The following LDLRAD4 variants were observed in gnomAD, a reference collection of about 807,000 sequenced individuals.
The protein encoded by LDLRAD4 is low-density lipoprotein receptor class A domain-containing protein 4.
Under a neutral mutation model 17.0 loss-of-function variants are expected in LDLRAD4, and 5 were observed. That is an observed-to-expected ratio of 0.29 (90% CI 0.15 to 0.62). LDLRAD4 has a LOEUF of 0.62. LDLRAD4 is among the 20% of genes least tolerant of loss of function. The pLI is 0.84. For synonymous variants in LDLRAD4, 168 were observed against 171.8 expected, an observed-to-expected ratio of 0.98 and a Z score of 0.17; for missense variants, 340 against 424.7, an observed-to-expected ratio of 0.80 and a Z score of 1.75.
chr18:13,306,211 A>T (rs2046903885), intron 1 of LDLRAD4, among the ~76,000 whole-genome samples: 2 of 152,380 alleles, frequency 1.3e-5, no homozygotes, highest in Admixed American at 6.5e-5. Context: ...GCTAACTCTT[A>T]TCATTTTGTG....
chr18:13,466,243 G>A (rs1267033467), intron 3 of LDLRAD4, among the ~76,000 whole-genome samples: 3 of 152,096 alleles, frequency 2.0e-5, no homozygotes, highest in Admixed American at 6.5e-5. Context: ...GGCTGAGGTG[G>A]GCAGATCATT....
chr18:13,361,389 G>C (rs1568049796), intron 1 of LDLRAD4, among the ~76,000 whole-genome samples: 1 of 152,114 alleles, frequency 6.6e-6, no homozygotes, highest in South Asian at 2.1e-4. Context: ...TTTTAGTAAG[G>C]GATGTTGGAT....
intron 3 of LDLRAD4, among the ~76,000 whole-genome samples, chr18:13,505,033 T>C (rs539473751): frequency 6.6e-6 from 1 of 152,260 alleles, no homozygotes; most frequent in African/African-American, 2.4e-5. Context: ...GGGGTTGCCA[T>C]CCATTGTCCC....
intron 3 of LDLRAD4, among the ~76,000 whole-genome samples, chr18:13,555,227 C>T (rs1027839283): frequency 6.6e-6 from 1 of 152,046 alleles, no homozygotes; most frequent in Non-Finnish European, 1.5e-5. Context: ...TAGGTGAAAA[C>T]GCAGAAAATA....
At chr18:13,516,372 C>G (rs2093866765) in intron 3 of LDLRAD4, among the ~76,000 whole-genome samples, 1 of 152,194 alleles carries the variant, frequency 6.6e-6, no homozygotes, top group African/African-American at 2.4e-5. Context: ...ACAGGAAGTT[C>G]TAGCCCTGTG....
At chr18:13,250,468 C>G (rs1308297024) in intron 1 of LDLRAD4, among the ~76,000 whole-genome samples, 1 of 151,736 alleles carries the variant, frequency 6.6e-6, no homozygotes, top group Non-Finnish European at 1.5e-5. Context: ...GAAGAAATAA[C>G]AGTATTAACA....
At chr18:13,409,781 T>G (rs955638007) in intron 2 of LDLRAD4, among the ~76,000 whole-genome samples, 9 of 152,244 alleles carry the variant, frequency 5.9e-5, no homozygotes, top group African/African-American at 1.9e-4. Context: ...ATAATAATGA[T>G]GCTGTAGGTG....
chr18:13,237,215 G>A (rs544970969), intron 1 of LDLRAD4, among the ~76,000 whole-genome samples: 5 of 152,298 alleles, frequency 3.3e-5, no homozygotes, highest in African/African-American at 1.2e-4. Context: ...CTGCCTGCTT[G>A]CAGGGTTACT....
chr18:13,336,187 C>T (rs1212679560), intron 1 of LDLRAD4, among the ~76,000 whole-genome samples: 1 of 152,192 alleles, frequency 6.6e-6, no homozygotes, highest in Non-Finnish European at 1.5e-5. Context: ...TTAATCTATT[C>T]ATGAGATTCC....
intron 2 of LDLRAD4, among the ~76,000 whole-genome samples, chr18:13,406,840 T>C (rs1277571801): frequency 6.6e-6 from 1 of 152,178 alleles, no homozygotes; most frequent in East Asian, 1.9e-4. Context: ...GGGCTGCCTG[T>C]CCCTGAGTAG....
At chr18:13,297,713 T>C (rs1207284584) in intron 1 of LDLRAD4, among the ~76,000 whole-genome samples, 3 of 152,120 alleles carry the variant, frequency 2.0e-5, no homozygotes, top group Admixed American at 6.5e-5. Flanking sequence ...GACAGGAGGA[T>C]CACTTCAGCC....
intron 1 of LDLRAD4, among the ~76,000 whole-genome samples, chr18:13,325,109 A>G (rs1265417102): frequency 2.6e-5 from 4 of 152,152 alleles, no homozygotes; most frequent in Non-Finnish European, 5.9e-5. Context: ...GTTAACTTAC[A>G]TTGTTAGGGT....
chr18:13,560,291 T>C (rs2094526967), intron 3 of LDLRAD4, among the ~76,000 whole-genome samples: 1 of 152,216 alleles, frequency 6.6e-6, no homozygotes. Flanking sequence ...ACAGCCCATG[T>C]CACAAGGAGT....
chr18:13,558,693 A>C (rs1250004098), intron 3 of LDLRAD4, among the ~76,000 whole-genome samples: 1 of 152,180 alleles, frequency 6.6e-6, no homozygotes, highest in Non-Finnish European at 1.5e-5. Context: ...GTTACTGTTT[A>C]CTCAGAAATG....
chr18:13,371,504 C>T (rs954562921), intron 1 of LDLRAD4, among the ~76,000 whole-genome samples: 1 of 152,182 alleles, frequency 6.6e-6, no homozygotes, highest in Admixed American at 6.5e-5. Flanking sequence ...CGCAGTGGCT[C>T]AAACCTGTAA....
rs1304474728 is a variant in LDLRAD4, at chr18:13,373,218, T to G, written c.-382-14123T>G. Among the ~76,000 whole-genome samples the G allele has an allele frequency of 2.0e-5, 3 of 152,166 alleles. No individual in the cohort carries two copies. In the East Asian group the frequency reaches 5.8e-4, roughly 29 times the overall value. On this transcript the variant is annotated intron_variant, in intron 1 of 5. Transcript: ENST00000359446. ...CAGAAATCCCTTGTTTTGATTTCCTTTTCTCATCGCAGCAGTTGTAGCGCT... is the reference window on the plus strand; with the variant it reads ...CAGAAATCCCTTGTTTTGATTTCCTGTTCTCATCGCAGCAGTTGTAGCGCT...
At chr18:13,406,009 C>T (rs976465876) in intron 2 of LDLRAD4, among the ~76,000 whole-genome samples, 1 of 152,232 alleles carries the variant, frequency 6.6e-6, no homozygotes, top group African/African-American at 2.4e-5. Context: ...TCCTGTGCAA[C>T]TTTGAAAACA....
intron 3 of LDLRAD4, among the ~76,000 whole-genome samples, chr18:13,508,237 G>A (rs1238233563): frequency 1.3e-5 from 2 of 152,216 alleles, no homozygotes; most frequent in Admixed American, 1.3e-4. Context: ...GCAGAGGTAG[G>A]TTCATGAGGT....
chr18:13,293,547 C>A, intron 1 of LDLRAD4, among the ~76,000 whole-genome samples: 1 of 152,174 alleles, frequency 6.6e-6, no homozygotes, highest in East Asian at 1.9e-4. Flanking sequence ...GCAAAAATAT[C>A]GGAAATATTG....
Sources: allele counts gnomAD v4.1 joint callset (sites outside exome capture counted in the v4.1 genomes callset), GRCh38; gene constraint gnomAD v4.1.1; transcripts MANE v1.5; gene names NCBI Gene and HGNC (gene_info 2026-07-23, HGNC 2026-07-21).